Variants in LGALS12 observed in about 807,000 individuals in gnomAD.
LGALS12 encodes the protein galectin 12, also known as galectin-12.
LGALS12 carries 36 observed loss-of-function variants against 36.8 expected under a neutral mutation model. The ratio of observed to expected loss-of-function variants is 0.98; its 90% CI spans 0.75 to 1.29. The LOEUF (loss-of-function observed/expected upper bound fraction) is 1.29. Ranked by LOEUF, LGALS12 falls within the 50% of genes most tolerant of loss-of-function variation. The pLI, the probability that LGALS12 is intolerant of heterozygous loss-of-function variation, is 0.00. For missense variants in LGALS12, 366 were observed against 394.3 expected (o/e 0.93, Z 0.61); for synonymous variants, 145 against 155.9 (o/e 0.93, Z 0.52).
At position 63,516,283 on chromosome 11, in the gene LGALS12, G is replaced by T; in HGVS notation, c.835G>T (p.Ala279Ser). The T allele has an allele frequency of 6.2e-7, 1 of 1,603,194 alleles. No homozygotes were observed. Among genetic ancestry groups the T allele is most frequent in the East Asian group, 2.2e-5 (1 of 44,542 alleles). Reference protein sequence around the residue: ...LLFQEGGLKLALNGQGLGATS... With the variant: ...LLFQEGGLKLSLNGQGLGATS... ...GTTCCAGGAGGGAGGGCTGAAGCTG[G>T]CGCTCAATGGGCAGGGGCTGGGGGC... Residue 279 changes from alanine to serine, a missense_variant, in exon 9 of 9, where the codon GCG (alanine) becomes TCG (serine). Transcript: ENST00000394618.
intron 1 of LGALS12, among the ~76,000 whole-genome samples, chr11:63,507,569 A>C (rs958873788): frequency 2.6e-5 from 4 of 152,040 alleles, no homozygotes; most frequent in Non-Finnish European, 5.9e-5. Flanking sequence ...CATGAGCAAA[A>C]TGCCCTGGGA....
chr11:63,506,578 T>TC (rs1313653516), intron 1 of LGALS12, 51 bp downstream of exon 1: 3 of 1,611,194 alleles, frequency 1.9e-6, no homozygotes, highest in African/African-American at 1.3e-5. Flanking sequence ...GCTCTTCCCT[T>TC]CCAACTGGGC....
chr11:63,511,463 C>A (rs534380185), intron 6 of LGALS12, among the ~76,000 whole-genome samples: 1 of 152,218 alleles, frequency 6.6e-6, no homozygotes, highest in African/African-American at 2.4e-5. Flanking sequence ...TGCTCACAGG[C>A]TGGTGGGGGA....
chr11:63,513,045 G>A lies in LGALS12; in HGVS notation c.647+1205G>A, dbSNP rs572709979. On this transcript the variant is annotated intron_variant, in intron 7 of 8. Coordinates refer to ENST00000394618, the MANE Select transcript of LGALS12 (RefSeq NM_033101.4). ...ATCATGCCTGTGAATTCTGGGACAG[G>A]CATGAAGCCCAGCACTCGATGGCCT... is the stretch of plus-strand genomic sequence containing the variant. Among the ~76,000 whole-genome samples, 286 of 152,286 alleles carry A rather than the reference G, an allele frequency of 1.9e-3. 1 individual carries two copies. Among genetic ancestry groups the A allele is most frequent in the Non-Finnish European group, 2.5e-3 (173 of 68,028 alleles).
intron 7 of LGALS12, among the ~76,000 whole-genome samples, chr11:63,515,311 C>T (rs556134889): frequency 3.9e-5 from 6 of 152,232 alleles, no homozygotes; most frequent in Non-Finnish European, 8.8e-5. Context: ...CACTTCCCTC[C>T]CACCCCCATC....
chr11:63,509,968 G>T, intron 4 of LGALS12, 71 bp downstream of exon 4: 2 of 1,548,852 alleles, frequency 1.3e-6, no homozygotes, highest in South Asian at 2.4e-5. Context: ...GACGGGCCTG[G>T]GACCCCTTCC....
At chr11:63,512,707 T>C (rs1257519422) in intron 7 of LGALS12, among the ~76,000 whole-genome samples, 1 of 148,148 alleles carries the variant, frequency 6.8e-6, no homozygotes, top group African/African-American at 2.6e-5. Flanking sequence ...GAGAATCGCT[T>C]ATACCCGGGA....
chr11:63,516,112 A>G (rs2017074011), intron 8 of LGALS12, 135 bp from the exon 9 acceptor site: 1 of 1,103,578 alleles, frequency 9.1e-7, no homozygotes, highest in Non-Finnish European at 1.3e-6. Flanking sequence ...GTTCTTTTCC[A>G]GCACTGTACT....
chr11:63,512,010 G>A (rs1052763155), intron 7 of LGALS12, among the ~76,000 whole-genome samples, 170 bp downstream of exon 7: 1 of 152,230 alleles, frequency 6.6e-6, no homozygotes, highest in African/African-American at 2.4e-5. Context: ...CAGAGCTTAT[G>A]AAGGTCAGGC....
chr11:63,508,975 G>A lies in LGALS12; in HGVS notation c.356G>A (p.Gly119Glu). The A allele has an allele frequency of 1.2e-6, 2 of 1,613,694 alleles. No homozygotes were observed. ...GSSFLILFLFGNEEVKVSVNG... is the reference protein window; with the variant it reads ...GSSFLILFLFENEEVKVSVNG... The stretch of plus-strand genomic sequence containing the variant: ...AGCTTCCTCATCCTCTTTCTCTTCG[G>A]GAATGAGGAAGTGAAGGTGAAGGAA... Residue 119 changes from glycine to glutamate, a missense_variant, in exon 3 of 9, where the codon GGG becomes GAG. Physicochemically the swap from Gly to Glu is moderately conservative, Grantham distance 98. Coordinates refer to ENST00000394618, the MANE Select transcript of LGALS12 (RefSeq NM_033101.4).
Position 63,508,589 on chromosome 11 carries a change from C to A in LGALS12, c.106C>A (p.His36Asn). 1 of 1,614,162 alleles carries A rather than the reference C, an allele frequency of 6.2e-7. No homozygotes were observed. The highest frequency in any genetic ancestry group is 8.5e-7 in the Non-Finnish European group (1 of 1,180,024). The part of the protein sequence containing the change: ...PYVTTIFGGL[H>N]AGKMVMLQGV... ...TGTCACGACGATTTTTGGAGGCCTG[C>A]ATGCAGGCAAGATGGTCATGCTGCA... The change falls in exon 2 of 9, where the codon CAT becomes AAT. Residue 36 changes from histidine (H) to asparagine (N), a missense_variant. Physicochemically the swap from His to Asn is moderately conservative, Grantham distance 68. Coordinates refer to ENST00000394618, the MANE Select transcript of LGALS12 (RefSeq NM_033101.4).
chr11:63,513,884 A>G (rs1198007963), intron 7 of LGALS12, among the ~76,000 whole-genome samples: 1 of 152,140 alleles, frequency 6.6e-6, no homozygotes, highest in African/African-American at 2.4e-5. Context: ...CTAGTGATTC[A>G]TGATTATCCA....
Position 63,506,411 on chromosome 11 carries a change from G to A in LGALS12, c.-48G>A, listed in dbSNP as rs754375786. 13 of 1,614,110 alleles carry A rather than the reference G, an allele frequency of 8.1e-6. No homozygotes were observed. The highest frequency in any genetic ancestry group is 4.4e-5 in the South Asian group (4 of 91,090). ...GGGGCAGATGAGTCAGCCCAGTGGG[G>A]GCAGGGCTCCTGGAACGAGGATCTA... On this transcript the variant is annotated 5_prime_UTR_variant, in exon 1 of 9. Coordinates refer to ENST00000394618, the MANE Select transcript of LGALS12 (RefSeq NM_033101.4).
At chr11:63,515,438 T>C (rs2017049105) in intron 7 of LGALS12, 125 bp from the exon 8 acceptor site, 1 of 1,107,548 alleles carries the variant, frequency 9.0e-7, no homozygotes. Flanking sequence ...TCAGTGCTTG[T>C]TTCTGGAGGC....
Position 63,509,853 on chromosome 11 carries a change from T to A in LGALS12, c.448T>A (p.Phe150Ile). ...PLSHVDTLGIFGDILVEAVGF... is the reference protein window; with the variant it reads ...PLSHVDTLGIIGDILVEAVGF... The stretch of plus-strand genomic sequence containing the variant: ...GTCTCATGTGGACACGCTGGGTATA[T>A]TTGGTGACATCCTGGTAGAGGCTGT... Residue 150 changes from phenylalanine to isoleucine, a missense_variant, in exon 4 of 9, where the codon TTT becomes ATT. Coordinates refer to ENST00000394618, the MANE Select transcript of LGALS12 (RefSeq NM_033101.4). 1.2e-6 allele frequency: 2 copies of A among 1,614,152 alleles called. No individual in the cohort carries two copies. Among genetic ancestry groups the A allele is most frequent in the Non-Finnish European group, 1.7e-6 (2 of 1,179,996 alleles).
chr11:63,506,758 C>A (rs985568992), intron 1 of LGALS12, among the ~76,000 whole-genome samples: 1 of 152,104 alleles, frequency 6.6e-6, no homozygotes, highest in Non-Finnish European at 1.5e-5. Flanking sequence ...TTGAAAGTGG[C>A]GAAGCCTGGA....
Position 63,506,227 on chromosome 11 carries a change from G to GCC in LGALS12, c.-231_-230dup. ...GAGTTCTGCTGACAGCCCCCGCCCA[G>GCC]CCAGAGCTCTGCTGTATACCACCGG... On this transcript the variant is annotated 5_prime_UTR_variant, in exon 1 of 9. It removes the in-frame stop codon of an upstream open reading frame in the 5' UTR. Transcript: ENST00000394618. 1.4e-6 allele frequency: 1 copy of GCC among 698,954 alleles called. No homozygotes were observed. Among genetic ancestry groups the GCC allele is most frequent in the Non-Finnish European group, 2.3e-6 (1 of 428,024 alleles). The allele number at this position is 698,954 out of a possible 1,614,324, so 43.3% of individuals were successfully genotyped here. A position where few individuals can be genotyped will look rare whatever the true frequency, so the allele number is the denominator to read the frequency against.
Position 63,510,497 on chromosome 11 carries a change from G to A in LGALS12, c.527G>A (p.Gly176Glu), listed in dbSNP as rs765684897. ...FVEGSREYPA[G>E]HPFLLMSPRL... ...GAGGGCAGCAGAGAGTACCCAGCTGGACATGTGAGTTTCTTGGCAGCAAGG... is the reference window on the plus strand; with the variant it reads ...GAGGGCAGCAGAGAGTACCCAGCTGAACATGTGAGTTTCTTGGCAGCAAGG... The change falls in exon 5 of 9, where the codon GGA (glycine) becomes GAA (glutamate). Residue 176 changes from glycine to glutamate, a missense_variant. By Grantham distance (98) the Gly-to-Glu change is moderately conservative. Coordinates refer to ENST00000394618, the MANE Select transcript of LGALS12 (RefSeq NM_033101.4). 4 of 1,614,118 alleles carry A rather than the reference G, an allele frequency of 2.5e-6. No individual in the cohort carries two copies. In the South Asian group the frequency reaches 4.4e-5, roughly 18 times the overall value.
intron 7 of LGALS12, among the ~76,000 whole-genome samples, chr11:63,514,996 T>C (rs2017037177): frequency 6.6e-6 from 1 of 152,206 alleles, no homozygotes; most frequent in Non-Finnish European, 1.5e-5. Flanking sequence ...TTTTATGTAT[T>C]CATTTAATTC....
Sources: gnomAD v4.1 joint callset for allele counts (sites outside exome capture counted in the v4.1 genomes callset) on GRCh38, gnomAD v4.1.1 for gene constraint, MANE v1.5 for transcripts, NCBI Gene and HGNC (gene_info 2026-07-23, HGNC 2026-07-21) for gene names.